ANKRD7: variants seen among roughly 807,000 people sequenced by gnomAD.
ANKRD7 encodes the protein ankyrin repeat domain 7, also known as ankyrin repeat domain-containing protein 7.
Under a neutral mutation model 30.8 loss-of-function variants are expected in ANKRD7, and 30 were observed. That is an observed-to-expected ratio of 0.97 (90% confidence interval 0.73 to 1.32). The LOEUF is 1.32. ANKRD7 is among the 40% of genes most tolerant of loss of function. The pLI is 0.00. For missense variants in ANKRD7, 264 were observed against 295.7 expected (o/e 0.89, Z 0.79); for synonymous variants, 97 against 106.6 (o/e 0.91, Z 0.55).
intron 4 of ANKRD7, 89 bp downstream of exon 4, chr7:118,236,236 G>A: frequency 2.7e-6 from 2 of 749,414 alleles, no homozygotes; most frequent in Non-Finnish European, 4.4e-6. Flanking sequence ...GTGTGTGTGT[G>A]TGTCCACAAA....
At chr7:118,232,633 A>G (rs1809661515) in intron 1 of ANKRD7, among the ~76,000 whole-genome samples, 1 of 152,006 alleles carries the variant, frequency 6.6e-6, no homozygotes, top group Non-Finnish European at 1.5e-5. Flanking sequence ...AGTTGGTGGA[A>G]GAGCGAGGTA....
intron 4 of ANKRD7, 133 bp downstream of exon 4, chr7:118,236,280 C>T (rs901038269): frequency 5.7e-6 from 3 of 521,970 alleles, no homozygotes; most frequent in Non-Finnish European, 1.0e-5. Flanking sequence ...AAATATAGAA[C>T]CATAAGACCC....
chr7:118,241,756 C>T (rs1809851177), intron 6 of ANKRD7, among the ~76,000 whole-genome samples: 1 of 151,892 alleles, frequency 6.6e-6, no homozygotes, highest in Non-Finnish European at 1.5e-5. Flanking sequence ...CCAGGCTGGT[C>T]TCGAACTCCT....
chr7:118,233,246 A>G (rs775683867), intron 1 of ANKRD7, among the ~76,000 whole-genome samples: 6 of 152,114 alleles, frequency 3.9e-5, no homozygotes, highest in Non-Finnish European at 8.8e-5. Context: ...TTTTCCATGT[A>G]GTATGTTAAT....
intron 5 of ANKRD7, among the ~76,000 whole-genome samples, chr7:118,238,203 C>T (rs898647408): frequency 6.6e-6 from 1 of 152,124 alleles, no homozygotes; most frequent in South Asian, 2.1e-4. Context: ...TAGATTGCTC[C>T]ATCATTAATT....
At position 118,236,210 on chromosome 7, in the gene ANKRD7, A is replaced by ATGTGTGTGTG. The variant is rs3993811; in HGVS notation, c.575+83_575+92dup. ...ACCTGATAGGATTGTGTGTGTGCGT[A>ATGTGTGTGTG]TGTGTGTGTGTGTGTGTGTGTGTGT... On this transcript the variant is annotated intron_variant, in intron 4 of 6. Transcript: ENST00000265224. 7.3e-3 allele frequency: 4,444 copies of ATGTGTGTGTG among 605,744 alleles called. 70 individuals are homozygous for ATGTGTGTGTG. Among genetic ancestry groups the ATGTGTGTGTG allele is most frequent in the African/African-American group, 0.058 (3,038 of 52,436 alleles). The allele number at this position is 605,744 out of a possible 1,614,324, so 37.5% of individuals were successfully genotyped here.
intron 1 of ANKRD7, among the ~76,000 whole-genome samples, chr7:118,232,950 T>C (rs565942729): frequency 1.3e-5 from 2 of 152,218 alleles, no homozygotes; most frequent in East Asian, 3.9e-4. Context: ...TTAAAGCTAT[T>C]TAGCCCTGTG....
At chr7:118,236,980 C>G in intron 5 of ANKRD7, 54 bp downstream of exon 5, 1 of 1,582,930 alleles carries the variant, frequency 6.3e-7, no homozygotes, top group Non-Finnish European at 8.6e-7. Context: ...TTATAAGGAT[C>G]AAAGCCTAAG....
Position 118,242,404 on chromosome 7 carries a change from C to G in ANKRD7, c.*93C>G, listed in dbSNP as rs901410183. 1 of 151,932 alleles carries G rather than the reference C, an allele frequency of 6.6e-6. No homozygotes were observed. Among genetic ancestry groups the G allele is most frequent in the African/African-American group, 2.4e-5 (1 of 41,374 alleles). The allele number at this position is 151,932 out of a possible 1,614,324, so 9.4% of individuals were successfully genotyped here. A position where few individuals can be genotyped will look rare whatever the true frequency, so the allele number is the denominator to read the frequency against. On this transcript the variant is annotated 3_prime_UTR_variant, in exon 7 of 7. Coordinates refer to ENST00000265224, the MANE Select transcript of ANKRD7 (RefSeq NM_019644.4). ...CGCTTCCTTGAATTGGAAAAATGTA[C>G]TTTGAAAGAACCGTTAAGTGAACTA... is the stretch of plus-strand genomic sequence containing the variant.
Position 118,239,978 on chromosome 7 carries a change from A to C in ANKRD7, c.*17A>C. On this transcript the variant is annotated 3_prime_UTR_variant, in exon 6 of 7. Coordinates refer to ENST00000265224, the MANE Select transcript of ANKRD7 (RefSeq NM_019644.4). ...GCTAAATAGACACCTTATTCTTGGC[A>C]CTACATGTGACTAAAGGAAGGTAAG... 1 of 1,547,798 alleles carries C rather than the reference A, an allele frequency of 6.5e-7. No homozygotes were observed.
rs3061682 is a variant in ANKRD7, at chr7:118,241,521, CTTTTTTTTT to C, written c.*38-808_*38-800del. Among the ~76,000 whole-genome samples, 802 of 84,564 alleles carry C rather than the reference CTTTTTTTTT, an allele frequency of 9.5e-3. 17 individuals carry two copies. The highest frequency in any genetic ancestry group is 0.086 in the East Asian group (229 of 2,668). 55.5% of individuals were successfully genotyped at this position (84,564 alleles called of 152,430 possible). A position where few individuals can be genotyped will look rare whatever the true frequency, so the allele number is the denominator to read the frequency against. On this transcript the variant is annotated intron_variant, in intron 6 of 6. Coordinates refer to ENST00000265224, the MANE Select transcript of ANKRD7 (RefSeq NM_019644.4). Reference sequence around the variant, plus strand: ...TTAGGGGAGAATTTCTCTGAATTACCTTTTTTTTTTTTTTTTTTTTTTTTTTTTCTGTTT... The same window carrying C: ...TTAGGGGAGAATTTCTCTGAATTACCTTTTTTTTTTTTTTTTTTTCTGTTT...
At chr7:118,237,045 C>T in intron 5 of ANKRD7, 119 bp downstream of exon 5, 1 of 1,047,910 alleles carries the variant, frequency 9.5e-7, no homozygotes, top group South Asian at 1.6e-5. Context: ...ACATACAAAT[C>T]TGTGCAGGGA....
rs764890081 is a variant in ANKRD7 at position 118,224,993 on chromosome 7, C to G, written c.163C>G (p.Gln55Glu). The G allele has an allele frequency of 1.2e-6, 2 of 1,613,558 alleles. No individual in the cohort carries two copies. Among genetic ancestry groups the G allele is most frequent in the Non-Finnish European group, 1.7e-6 (2 of 1,179,812 alleles). Residue 55 changes from glutamine (Q) to glutamate (E), a missense_variant, in exon 1 of 7, where the codon CAG becomes GAG. Transcript: ENST00000265224. Reference protein sequence around the residue: ...LQIKKYDVNMQDKKYRTPLHL... With the variant: ...LQIKKYDVNMEDKKYRTPLHL... The stretch of plus-strand genomic sequence containing the variant: ...GATCAAGAAATATGATGTAAATATG[C>G]AGGACAAAAAATACAGGTGACCAGA...
chr7:118,235,224 A>G (rs1303059200), intron 3 of ANKRD7, among the ~76,000 whole-genome samples: 1 of 152,212 alleles, frequency 6.6e-6, no homozygotes, highest in African/African-American at 2.4e-5. Flanking sequence ...ATACTCATGA[A>G]TAATAATAAC....
chr7:118,228,028 C>T (rs1482008044), intron 1 of ANKRD7: 3 of 1,303,402 alleles, frequency 2.3e-6, no homozygotes, highest in Non-Finnish European at 3.0e-6. Flanking sequence ...ATTCAGGGGT[C>T]AGTTTTTAGT....
chr7:118,234,926 G>C (rs748071168), intron 3 of ANKRD7, 52 bp downstream of exon 3: 1 of 1,412,768 alleles, frequency 7.1e-7, no homozygotes. Flanking sequence ...CAACTGAAGA[G>C]CATATTTCAG....
At chr7:118,237,864 A>C (rs967843398) in intron 5 of ANKRD7, among the ~76,000 whole-genome samples, 1 of 152,120 alleles carries the variant, frequency 6.6e-6, no homozygotes, top group Admixed American at 6.5e-5. Flanking sequence ...CATATGCATA[A>C]AATCTTAATG....
rs764838715 is a variant in ANKRD7, at chr7:118,239,890, C to T, written c.713-19C>T. The T allele has an allele frequency of 1.3e-6, 2 of 1,533,360 alleles. No homozygotes were observed. Among genetic ancestry groups the T allele is most frequent in the Non-Finnish European group, 1.8e-6 (2 of 1,116,040 alleles). The allele number at this position is 1,533,360 out of a possible 1,614,324, so 95.0% of individuals were successfully genotyped here. On this transcript the variant is annotated intron_variant, in intron 5 of 6. Coordinates refer to ENST00000265224, the MANE Select transcript of ANKRD7 (RefSeq NM_019644.4). ...AAATTTCTATGCATGCTGGCATTCA[C>T]ACGTAATTTCCTTTATAGATAGATA...
chr7:118,225,370 C>A (rs970207298), intron 1 of ANKRD7, among the ~76,000 whole-genome samples: 3 of 151,910 alleles, frequency 2.0e-5, no homozygotes, highest in African/African-American at 7.3e-5. Context: ...CGCCTGTAAT[C>A]CCAGCTACTC....
Sources: gnomAD v4.1 joint callset for allele counts (sites outside exome capture counted in the v4.1 genomes callset) on GRCh38, gnomAD v4.1.1 for gene constraint, MANE v1.5 for transcripts, NCBI Gene and HGNC (gene_info 2026-07-23, HGNC 2026-07-21) for gene names.